The following UBA1 variants were observed in gnomAD, a reference collection of about 807,000 sequenced individuals.
UBA1 encodes ubiquitin like modifier activating enzyme 1.
Under a neutral mutation model 84.7 loss-of-function variants are expected in UBA1, and 4 were observed. That is an observed-to-expected ratio of 0.05 (90% CI 0.02 to 0.11). The LOEUF (loss-of-function observed/expected upper bound fraction) is 0.11. Ranked by LOEUF, UBA1 falls within the 10% of genes least tolerant of loss-of-function variation. The pLI, the probability that UBA1 is intolerant of heterozygous loss-of-function variation, is 1.00. For synonymous variants in UBA1, 364 were observed against 362.6 expected (o/e 1.00, Z -0.04); for missense variants, 513 against 902.8 (o/e 0.57, Z 5.53).
At chrX:47,205,494 C>T (rs1209285280) in intron 14 of UBA1, 3 of 344,908 alleles carry the variant, frequency 8.7e-6, no homozygotes, top group Non-Finnish European at 1.7e-5. Context: ...CAGACCGTCT[C>T]TCCTGCTAGC....
At chrX:47,212,122 A>G (rs1244668296) in intron 20 of UBA1, among the ~76,000 whole-genome samples, 4 of 103,827 alleles carry the variant, frequency 3.9e-5, no homozygotes, top group Admixed American at 1.0e-4. Flanking sequence ...CATTCTTCCC[A>G]AGATCTTTAC....
Position 47,202,513 on chromosome X carries a change from G to T in UBA1, c.1056+9G>T, listed in dbSNP as rs1283541174. ...CTCGGCCCCGCAATGAGGTGGGTGA[G>T]TGGGCGAGCCAGCCAGCGCAGACAT... On this transcript the variant is annotated intron_variant, in intron 10 of 25. Coordinates refer to ENST00000335972, the MANE Select transcript of UBA1 (RefSeq NM_003334.4). 8.3e-7 allele frequency: 1 copy of T among 1,199,736 alleles called. No individual in the cohort carries two copies. Among genetic ancestry groups the T allele is most frequent in the Non-Finnish European group, 1.1e-6 (1 of 889,802 alleles).
intron 1 of UBA1, chrX:47,198,384 A>G (rs1164431256): frequency 3.8e-5 from 31 of 823,149 alleles, no homozygotes; most frequent in Non-Finnish European, 4.9e-5. Flanking sequence ...CCTGTTTCAC[A>G]GGTGAGAAAA....
chrX:47,195,334 C>G (rs1936164918), intron 1 of UBA1, among the ~76,000 whole-genome samples: 1 of 111,491 alleles, frequency 9.0e-6, no homozygotes, highest in East Asian at 2.8e-4. Flanking sequence ...ACTGCAACCT[C>G]CACCTCCTGG....
chrX:47,207,338 C>T (rs782509159), intron 16 of UBA1, among the ~76,000 whole-genome samples: 6 of 111,398 alleles, frequency 5.4e-5, no homozygotes, highest in African/African-American at 2.0e-4. Flanking sequence ...AGAATTGTCT[C>T]GGGCCACACA....
In UBA1 at chrX:47,200,862, A is replaced by G. The variant is rs782653841; in HGVS notation, c.481-32A>G. The stretch of plus-strand genomic sequence containing the variant: ...CCCTCCATTTTTTCCCCTTCACCCC[A>G]ATGCTGGGCCTGAGCCTCCATCTCT... On this transcript the variant is annotated intron_variant, in intron 5 of 25. Coordinates refer to ENST00000335972, the MANE Select transcript of UBA1 (RefSeq NM_003334.4). 3 of 1,128,650 alleles carry G rather than the reference A, an allele frequency of 2.7e-6. No homozygotes were observed. The Admixed American group carries it at 7.6e-5, about 29-fold the overall frequency. The allele number at this position is 1,128,650 out of a possible 1,213,427, so 93.0% of individuals were successfully genotyped here. A position where few individuals can be genotyped will look rare whatever the true frequency, so the allele number is the denominator to read the frequency against.
rs782565391 is a variant in UBA1, at chrX:47,203,199, G to A, written c.1404G>A (p.Lys468=). The change falls in exon 13 of 26, where the codon AAG becomes AAA. Residue 468 remains lysine, a synonymous_variant. Transcript: ENST00000335972. The stretch of plus-strand genomic sequence containing the variant: ...CAGACCTGCAAGAGAAGCTGGGCAA[G>A]CAGAAGTATTTCCTGGTAAGTGGTC... ...FGSDLQEKLG[K]QKYFLVGAGA... is the part of the protein sequence containing the mutation. The A allele has an allele frequency of 7.4e-6, 9 of 1,212,167 alleles. No individual in the cohort carries two copies. Among genetic ancestry groups the A allele is most frequent in the Non-Finnish European group, 1.0e-5 (9 of 895,511 alleles).
intron 1 of UBA1, chrX:47,198,252 C>A: frequency 1.0e-6 from 1 of 982,938 alleles, no homozygotes; most frequent in Non-Finnish European, 1.3e-6. Flanking sequence ...GCCGCCATCC[C>A]TGGGATTAAG....
rs781800649 is a variant in UBA1, at chrX:47,199,588, G to A, written c.454G>A (p.Val152Ile). 1.5e-5 allele frequency: 18 copies of A among 1,209,710 alleles called. No individual in the cohort carries two copies. In the Admixed American group the frequency reaches 2.2e-4, roughly 15 times the overall value. Reference sequence around the variant, plus strand: ...TGTCACTGCCTACACTGGACCCCTCGTTGAGGACTTCCTTAGTGGTTTCCA... The same window carrying A: ...TGTCACTGCCTACACTGGACCCCTCATTGAGGACTTCCTTAGTGGTTTCCA... ...VPVTAYTGPL[V>I]EDFLSGFQVV... is the part of the protein sequence containing the mutation. Residue 152 changes from valine (V) to isoleucine (I), a missense_variant, in exon 5 of 26, where the codon GTT becomes ATT. Val to Ile is a conservative substitution (Grantham distance 29). Transcript: ENST00000335972.
chrX:47,211,170 T>C lies in UBA1; in HGVS notation c.2409T>C (p.Ser803=). The C allele has an allele frequency of 8.3e-7, 1 of 1,211,590 alleles. No homozygotes were observed. Among genetic ancestry groups the C allele is most frequent in the Non-Finnish European group, 1.1e-6 (1 of 895,576 alleles). The change falls in exon 20 of 26, where the codon TCT becomes TCC. Residue 803 remains serine, a synonymous_variant. Coordinates refer to ENST00000335972, the MANE Select transcript of UBA1 (RefSeq NM_003334.4). The part of the protein sequence containing the change: ...SVQVPEFTPK[S]GVKIHVSDQE... ...AGGTCCCCGAATTCACCCCCAAGTC[T>C]GGCGTCAAGATCCATGTTTCTGACC...
intron 5 of UBA1, 51 bp from the exon 6 acceptor site, chrX:47,200,843 A>T (rs782582030): frequency 1.9e-6 from 2 of 1,054,481 alleles, no homozygotes; most frequent in East Asian, 6.6e-5. Flanking sequence ...CCAGCCCTCC[A>T]TTTTTTCCCC....
intron 14 of UBA1, 95 bp from the exon 15 acceptor site, chrX:47,205,853 C>CA (rs1174357791): frequency 1.1e-4 from 115 of 1,033,741 alleles, no homozygotes; most frequent in East Asian, 7.0e-4. Flanking sequence ...GACCCTGTCT[C>CA]AAAAAAAATA....
intron 14 of UBA1, among the ~76,000 whole-genome samples, chrX:47,204,711 A>C (rs1288144359): frequency 1.8e-5 from 2 of 111,562 alleles, no homozygotes; most frequent in Non-Finnish European, 3.8e-5. Flanking sequence ...AGGCCTTTCC[A>C]AGGGTTGTAG....
chrX:47,198,986 C>T, intron 2 of UBA1, 62 bp from the exon 3 acceptor site: 1 of 1,204,043 alleles, frequency 8.3e-7, no homozygotes. Context: ...GTATCACTGT[C>T]TGTCTATCCA....
intron 13 of UBA1, 93 bp from the exon 14 acceptor site, chrX:47,203,448 C>T: frequency 9.2e-7 from 1 of 1,086,189 alleles, no homozygotes; most frequent in East Asian, 3.0e-5. Flanking sequence ...GCCCCTCTCC[C>T]CGTCTCTCAG....
At chrX:47,207,369 G>A (rs1017414205) in intron 16 of UBA1, among the ~76,000 whole-genome samples, 1 of 111,764 alleles carries the variant, frequency 8.9e-6, no homozygotes, top group Non-Finnish European at 1.9e-5. Context: ...TAATACTAAC[G>A]ATAGCTGATG....
rs1556793123 is a variant in UBA1, at chrX:47,210,835, C to A, written c.2200-7C>A. ...GTCCTGTTCTCAAAAATCTCTCCAT[C>A]CCTTAGCTCACAAGCTCAGGAGCGC... is the stretch of plus-strand genomic sequence containing the variant. On this transcript the variant is annotated splice_polypyrimidine_tract_variant and splice_region_variant and intron_variant, in intron 18 of 25. Coordinates refer to ENST00000335972, the MANE Select transcript of UBA1 (RefSeq NM_003334.4). The A allele has an allele frequency of 1.7e-6, 2 of 1,209,624 alleles. No homozygotes were observed. Among genetic ancestry groups the A allele is most frequent in the Non-Finnish European group, 2.2e-6 (2 of 894,058 alleles).
chrX:47,212,731 C>A, intron 21 of UBA1, 40 bp from the exon 22 acceptor site: 2 of 1,121,995 alleles, frequency 1.8e-6, no homozygotes, highest in Non-Finnish European at 1.2e-6. Context: ...TTTATCTGAT[C>A]CTCTCCCCAC....
At chrX:47,213,601 T>TA (rs1389695049) in intron 23 of UBA1, among the ~76,000 whole-genome samples, 3 of 112,485 alleles carry the variant, frequency 2.7e-5, no homozygotes, top group Admixed American at 9.4e-5. Context: ...CGTGGTGGCT[T>TA]ACGCCTGTAA....
Sources: allele counts gnomAD v4.1 joint callset (sites outside exome capture counted in the v4.1 genomes callset), GRCh38; gene constraint gnomAD v4.1.1; transcripts MANE v1.5; gene names NCBI Gene and HGNC (gene_info 2026-07-23, HGNC 2026-07-21).